RAB11FIP4: variants seen among roughly 807,000 people sequenced by gnomAD.
RAB11FIP4 encodes rab11 family-interacting protein 4.
A neutral mutation model predicts 74.3 loss-of-function variants in RAB11FIP4; 23 were observed. The observed-to-expected ratio is 0.31, with a 90% CI of 0.22 to 0.44. The LOEUF (loss-of-function observed/expected upper bound fraction) is 0.44. Among genes scored for constraint, RAB11FIP4 ranks in the 20% least tolerant of loss-of-function variants. The pLI is 1.00. For missense variants in RAB11FIP4, 630 were observed against 863.9 expected (o/e 0.73, Z 3.39); for synonymous variants, 360 against 359.9 (o/e 1.00, Z 0.00).
At chr17:31,529,472 A>G (rs1454179822) in intron 13 of RAB11FIP4, among the ~76,000 whole-genome samples, 1 of 152,082 alleles carries the variant, frequency 6.6e-6, no homozygotes, top group Non-Finnish European at 1.5e-5. Context: ...GGGTCTCCCT[A>G]TATTGCCCAG....
intron 3 of RAB11FIP4, among the ~76,000 whole-genome samples, chr17:31,468,909 G>T (rs2071712031): frequency 2.0e-5 from 3 of 152,102 alleles, no homozygotes; most frequent in Non-Finnish European, 4.4e-5. Context: ...GGCCCCTCTG[G>T]AGCACGTGAG....
chr17:31,466,019 T>C (rs2071682867), intron 3 of RAB11FIP4, among the ~76,000 whole-genome samples: 1 of 94,614 alleles, frequency 1.1e-5, no homozygotes, highest in Admixed American at 9.6e-5. Flanking sequence ...AGCACGCGCC[T>C]GTAAGTCCCA....
Position 31,521,940 on chromosome 17 carries a change from C to G in RAB11FIP4, c.784C>G (p.Arg262Gly), listed in dbSNP as rs759600561. ...TGCGGGGCAGACGCCTAGGAAAATG[C>G]GGCACGTGTACAACAGCGAATTGCT... ...SSAGQTPRKMRHVYNSELLDV... is the reference protein window; with the variant it reads ...SSAGQTPRKMGHVYNSELLDV... The change falls in exon 6 of 15, where the codon CGG (arginine) becomes GGG (glycine). Residue 262 changes from arginine to glycine, a missense_variant. Coordinates refer to ENST00000621161, the MANE Select transcript of RAB11FIP4 (RefSeq NM_032932.6). 2 of 1,614,130 alleles carry G rather than the reference C, an allele frequency of 1.2e-6. No individual in the cohort carries two copies. The highest frequency in any genetic ancestry group is 1.7e-6 in the Non-Finnish European group (2 of 1,180,022).
chr17:31,491,263 C>T (rs143868264), intron 3 of RAB11FIP4, among the ~76,000 whole-genome samples: 99 of 152,340 alleles, frequency 6.5e-4, no homozygotes, highest in African/African-American at 2.3e-3. Flanking sequence ...GCACATTTCC[C>T]AGTACAGGGC....
At chr17:31,409,637 A>G (rs1386398754) in intron 1 of RAB11FIP4, among the ~76,000 whole-genome samples, 2 of 152,238 alleles carry the variant, frequency 1.3e-5, no homozygotes, top group African/African-American at 4.8e-5. Flanking sequence ...CCTGCACTCA[A>G]GGAGCAGGGA....
chr17:31,496,993 A>G (rs16972265), intron 3 of RAB11FIP4, among the ~76,000 whole-genome samples: 5,072 of 152,306 alleles, frequency 0.033, 270 homozygotes, highest in African/African-American at 0.12. Flanking sequence ...TCATCTAAAT[A>G]GTGGCTGATG....
intron 3 of RAB11FIP4, among the ~76,000 whole-genome samples, chr17:31,455,430 AGG>A (rs1443544024): frequency 3.3e-5 from 5 of 152,218 alleles, no homozygotes; most frequent in African/African-American, 1.2e-4. Flanking sequence ...CAGGCACCTA[AGG>A]GGAGGGCAGA....
intron 10 of RAB11FIP4, 38 bp from the exon 11 acceptor site, chr17:31,527,804 T>A (rs2072793038): frequency 1.3e-6 from 2 of 1,522,558 alleles, no homozygotes; most frequent in Non-Finnish European, 1.8e-6. Flanking sequence ...ATAGTCTACA[T>A]TCCAGGTTTC....
intron 3 of RAB11FIP4, among the ~76,000 whole-genome samples, chr17:31,480,546 T>C (rs375217804): frequency 6.6e-6 from 1 of 152,028 alleles, no homozygotes; most frequent in South Asian, 2.1e-4. Flanking sequence ...TCCCACCACT[T>C]TGAGGCCGAG....
chr17:31,472,693 G>A (rs895474628), intron 3 of RAB11FIP4, among the ~76,000 whole-genome samples: 1 of 152,148 alleles, frequency 6.6e-6, no homozygotes, highest in African/African-American at 2.4e-5. Context: ...TTTTCTCTAG[G>A]AAGAGGGCCT....
At chr17:31,516,636 A>T (rs1361802500) in intron 3 of RAB11FIP4, among the ~76,000 whole-genome samples, 1 of 152,008 alleles carries the variant, frequency 6.6e-6, no homozygotes, top group Non-Finnish European at 1.5e-5. Context: ...CGCCCAGCTA[A>T]TTTTTGTATT....
chr17:31,501,801 C>T (rs1028429139), intron 3 of RAB11FIP4: 1 of 183,722 alleles, frequency 5.4e-6, no homozygotes, highest in Non-Finnish European at 1.2e-5. Flanking sequence ...ATCCACCGCA[C>T]CCAGCCCATC....
intron 1 of RAB11FIP4, among the ~76,000 whole-genome samples, chr17:31,418,787 G>T (rs2071171985): frequency 6.6e-6 from 1 of 152,080 alleles, no homozygotes; most frequent in South Asian, 2.1e-4. Flanking sequence ...GATTTTTAAA[G>T]AAAAATTTTA....
At chr17:31,496,992 T>C (rs2072128167) in intron 3 of RAB11FIP4, among the ~76,000 whole-genome samples, 1 of 152,212 alleles carries the variant, frequency 6.6e-6, no homozygotes, top group African/African-American at 2.4e-5. Flanking sequence ...CTCATCTAAA[T>C]AGTGGCTGAT....
At chr17:31,517,569 C>A in intron 3 of RAB11FIP4, 82 bp from the exon 4 acceptor site, 1 of 1,354,250 alleles carries the variant, frequency 7.4e-7, no homozygotes, top group Non-Finnish European at 1.0e-6. Context: ...TTTGGCCTGG[C>A]TGATGCCCTT....
chr17:31,457,920 C>T (rs1388194154), intron 3 of RAB11FIP4, among the ~76,000 whole-genome samples: 1 of 152,166 alleles, frequency 6.6e-6, no homozygotes, highest in Non-Finnish European at 1.5e-5. Context: ...CTGAAGTCTG[C>T]ATTCTCAACA....
chr17:31,438,769 A>T (rs1223138562), intron 3 of RAB11FIP4, among the ~76,000 whole-genome samples: 2 of 151,950 alleles, frequency 1.3e-5, no homozygotes, highest in Non-Finnish European at 2.9e-5. Flanking sequence ...TTCTCCTAGG[A>T]TGTCCTCCCT....
Position 31,532,262 on chromosome 17 carries a change from G to C in RAB11FIP4, c.*530G>C. On this transcript the variant is annotated 3_prime_UTR_variant, in exon 15 of 15. Transcript: ENST00000621161. ...AGTGTTCAAGCTCAGAGAGGATGAA[G>C]GGGCATCTGGAGGGTCCATGAGATG... is the stretch of plus-strand genomic sequence containing the variant. 1 of 156,484 alleles carries C rather than the reference G, an allele frequency of 6.4e-6. No individual in the cohort carries two copies. The highest frequency in any genetic ancestry group is 1.4e-5 in the Non-Finnish European group (1 of 70,100). The allele number at this position is 156,484 out of a possible 1,614,324, so 9.7% of individuals were successfully genotyped here.
intron 3 of RAB11FIP4, among the ~76,000 whole-genome samples, chr17:31,487,764 G>C (rs1287030572): frequency 6.6e-6 from 1 of 152,036 alleles, no homozygotes; most frequent in African/African-American, 2.4e-5. Flanking sequence ...AGGGGCGCGA[G>C]CTCACACGCC....
Sources: allele counts gnomAD v4.1 joint callset (sites outside exome capture counted in the v4.1 genomes callset), GRCh38; gene constraint gnomAD v4.1.1; transcripts MANE v1.5; gene names NCBI Gene and HGNC (gene_info 2026-07-23, HGNC 2026-07-21).